Variants in DYNC1I1 observed in about 807,000 individuals in gnomAD.
DYNC1I1 encodes dynein cytoplasmic 1 intermediate chain 1, also known as cytoplasmic dynein 1 intermediate chain 1.
Under a neutral mutation model 86.6 loss-of-function variants are expected in DYNC1I1, and 43 were observed. The observed-to-expected ratio is 0.50, with a 90% CI of 0.39 to 0.64. The LOEUF is 0.64. DYNC1I1 is among the 30% of genes least tolerant of loss of function. The pLI, the probability that DYNC1I1 is intolerant of heterozygous loss-of-function variation, is 0.00. For synonymous variants in DYNC1I1, 262 were observed against 283.7 expected (o/e 0.92, Z 0.77); for missense variants, 604 against 788.8 (o/e 0.77, Z 2.81).
chr7:95,912,037 AT>A lies in DYNC1I1; in HGVS notation c.490+42049del, dbSNP rs112364570. On this transcript the variant is annotated intron_variant, in intron 6 of 16. Coordinates refer to ENST00000447467, the MANE Select transcript of DYNC1I1 (RefSeq NM_001135556.2). ...AGCACTCACTCATCACTTGAACATC[AT>A]TTTTTTTTTCTTTTTTGAGAAAGAA... Among the ~76,000 whole-genome samples, 504 of 149,082 alleles carry A rather than the reference AT, an allele frequency of 3.4e-3. 6 individuals carry two copies. Among genetic ancestry groups the A allele is most frequent in the African/African-American group, 0.011 (450 of 40,602 alleles).
At chr7:95,922,770 A>G (rs1791644567) in intron 6 of DYNC1I1, among the ~76,000 whole-genome samples, 1 of 152,166 alleles carries the variant, frequency 6.6e-6, no homozygotes, top group Admixed American at 6.6e-5. Flanking sequence ...TGAAAAAACT[A>G]CTTAAATACT....
intron 4 of DYNC1I1, among the ~76,000 whole-genome samples, chr7:95,826,112 G>A (rs185729053): frequency 3.7e-4 from 57 of 152,294 alleles, no homozygotes; most frequent in African/African-American, 1.3e-3. Flanking sequence ...CGGGCCACCC[G>A]CACACCTACT....
intron 1 of DYNC1I1, among the ~76,000 whole-genome samples, chr7:95,795,529 ATG>A (rs1453960294): frequency 6.6e-6 from 1 of 152,218 alleles, no homozygotes; most frequent in Non-Finnish European, 1.5e-5. Context: ...AATGTGGTAT[ATG>A]TATGCCATGG....
At chr7:96,043,953 C>T (rs1451576049) in intron 14 of DYNC1I1, among the ~76,000 whole-genome samples, 1 of 152,122 alleles carries the variant, frequency 6.6e-6, no homozygotes, top group Non-Finnish European at 1.5e-5. Flanking sequence ...CGTGATCCAC[C>T]CGCCTCAGCC....
At chr7:95,981,596 T>C (rs1793460554) in intron 7 of DYNC1I1, among the ~76,000 whole-genome samples, 1 of 152,104 alleles carries the variant, frequency 6.6e-6, no homozygotes, top group South Asian at 2.1e-4. Context: ...ACATGTAAGT[T>C]ACATCCATGC....
intron 16 of DYNC1I1, among the ~76,000 whole-genome samples, chr7:96,109,034 T>C (rs6954623): frequency 0.21 from 31,546 of 151,990 alleles, 3,632 homozygotes; most frequent in African/African-American, 0.29. Flanking sequence ...CTATAACATC[T>C]TCTTATCATC....
Position 96,097,766 on chromosome 7 carries a change from C to G in DYNC1I1, c.*173C>G. The G allele has an allele frequency of 7.6e-7, 1 of 1,319,794 alleles. No homozygotes were observed. The highest frequency in any genetic ancestry group is 2.4e-5 in the South Asian group (1 of 41,436). 81.8% of individuals were successfully genotyped at this position (1,319,794 alleles called of 1,614,324 possible). Reference sequence around the variant, plus strand: ...TTCTAAATGTGTCCCATCATGCTTTCCACTGACCCAAAATTCACCACAGCA... The same window carrying G: ...TTCTAAATGTGTCCCATCATGCTTTGCACTGACCCAAAATTCACCACAGCA... On this transcript the variant is annotated 3_prime_UTR_variant, in exon 17 of 17. Coordinates refer to ENST00000447467, the MANE Select transcript of DYNC1I1 (RefSeq NM_001135556.2).
At chr7:95,869,751 T>C in intron 5 of DYNC1I1, 132 bp from the exon 6 acceptor site, 1 of 874,828 alleles carries the variant, frequency 1.1e-6, no homozygotes, top group Middle Eastern at 3.3e-4. Flanking sequence ...TTCTGCTTCA[T>C]GACCCTGCCC....
chr7:95,810,369 T>C (rs1794800369), intron 2 of DYNC1I1, 23 bp from the exon 3 acceptor site: 1 of 1,577,964 alleles, frequency 6.3e-7, no homozygotes, highest in Non-Finnish European at 8.6e-7. Context: ...TTATTAACTT[T>C]TCTTACTGAC....
At chr7:95,996,154 C>T in intron 10 of DYNC1I1, 81 bp downstream of exon 10, 1 of 1,576,962 alleles carries the variant, frequency 6.3e-7, no homozygotes, top group South Asian at 1.2e-5. Context: ...CTGTCTTATG[C>T]TGAGAGGAAG....
At chr7:96,066,602 G>A (rs1789998794) in intron 14 of DYNC1I1, among the ~76,000 whole-genome samples, 1 of 152,082 alleles carries the variant, frequency 6.6e-6, no homozygotes, top group Non-Finnish European at 1.5e-5. Context: ...TTTCCCTTTT[G>A]TCTTAGTTAT....
intron 1 of DYNC1I1, chr7:95,802,583 G>C (rs1031215597): frequency 6.6e-6 from 1 of 152,170 alleles, no homozygotes; most frequent in Non-Finnish European, 1.5e-5. Context: ...ACACCAAATA[G>C]AACTCAATTT....
intron 6 of DYNC1I1, among the ~76,000 whole-genome samples, chr7:95,927,953 T>C (rs1791789190): frequency 6.6e-6 from 1 of 152,176 alleles, no homozygotes; most frequent in Admixed American, 6.5e-5. Flanking sequence ...GCAGCGTCTG[T>C]TTCACAGAAC....
intron 16 of DYNC1I1, among the ~76,000 whole-genome samples, chr7:96,106,450 G>C (rs577136633): frequency 6.6e-6 from 1 of 151,904 alleles, no homozygotes; most frequent in Admixed American, 6.6e-5. Flanking sequence ...CAGGAGAATC[G>C]CTTCAACTCC....
At position 95,783,515 on chromosome 7, in the gene DYNC1I1, T is replaced by C. The variant is rs532089869; in HGVS notation, c.-10+10742T>C. 2.5e-4 allele frequency among the ~76,000 whole-genome samples: 38 copies of C among 152,270 alleles called. No homozygotes were observed. The South Asian group carries it at 3.3e-3, about 13-fold the overall frequency. ...CAATGTGGTTATATGTTATCAGATA[T>C]CAAATGATTATCACATATGTTAAAA... On this transcript the variant is annotated intron_variant, in intron 1 of 16. Transcript: ENST00000447467.
intron 6 of DYNC1I1, among the ~76,000 whole-genome samples, chr7:95,948,579 A>G (rs1792467891): frequency 6.6e-6 from 1 of 152,198 alleles, no homozygotes; most frequent in Admixed American, 6.5e-5. Flanking sequence ...AATAAGTCAG[A>G]GGAACTTGTC....
intron 6 of DYNC1I1, among the ~76,000 whole-genome samples, chr7:95,887,868 C>T (rs931770414): frequency 1.3e-5 from 2 of 152,160 alleles, no homozygotes; most frequent in Non-Finnish European, 2.9e-5. Context: ...GTTTCCGTAG[C>T]TTTAATCAGA....
At chr7:96,082,189 C>T (rs954089933) in intron 16 of DYNC1I1, among the ~76,000 whole-genome samples, 7 of 151,812 alleles carry the variant, frequency 4.6e-5, no homozygotes, top group Non-Finnish European at 1.0e-4. Context: ...TTTCTCATGG[C>T]CCTCATCAAA....
intron 1 of DYNC1I1, chr7:95,804,318 T>C: frequency 8.0e-7 from 1 of 1,246,702 alleles, no homozygotes; most frequent in Non-Finnish European, 1.0e-6. Context: ...CTGTTTTCTT[T>C]TCTCAGTGTG....
Sources: gnomAD v4.1 joint callset for allele counts (sites outside exome capture counted in the v4.1 genomes callset) on GRCh38, gnomAD v4.1.1 for gene constraint, MANE v1.5 for transcripts, NCBI Gene and HGNC (gene_info 2026-07-23, HGNC 2026-07-21) for gene names.